AOPEP: variants seen among roughly 807,000 people sequenced by gnomAD.
AOPEP encodes aminopeptidase O.
Under a neutral mutation model 98.1 loss-of-function variants are expected in AOPEP, and 77 were observed. That is an observed-to-expected ratio of 0.78 (90% CI 0.65 to 0.95). AOPEP has a LOEUF of 0.95. Ranked by LOEUF, AOPEP falls within the 40% of genes least tolerant of loss-of-function variation. AOPEP has a pLI of 0.00. For missense variants in AOPEP, 1,024 were observed against 1,024.7 expected (o/e 1.00, Z 0.01); for synonymous variants, 346 against 365.3 (o/e 0.95, Z 0.60).
intron 1 of AOPEP, among the ~76,000 whole-genome samples, chr9:94,749,459 C>T (rs954370992): frequency 2.6e-5 from 4 of 152,192 alleles, no homozygotes; most frequent in Non-Finnish European, 5.9e-5. Context: ...GCCAGTTGTG[C>T]TCACTGCTTA....
At chr9:95,019,093 T>TAGCAGCAAGTATACAGCAGCAAGTATAC in intron 13 of AOPEP, 1 of 152,074 alleles carries the variant, frequency 6.6e-6, no homozygotes, top group Non-Finnish European at 1.5e-5. Context: ...GCAGCAAGTA[T>TAGCAGCAAGTATACAGCAGCAAGTATAC]AGCAGCAAGT....
At position 95,016,479 on chromosome 9, in the gene AOPEP, G is replaced by A. The variant is rs536670779; in HGVS notation, c.2115+10863G>A. On this transcript the variant is annotated intron_variant, in intron 13 of 16. Coordinates refer to ENST00000375315, the MANE Select transcript of AOPEP (RefSeq NM_001193329.3). Reference sequence around the variant, plus strand: ...GCTGGTGCTGAACTCCTGACCTCAGGTAATCTACCCACTTTGGCCTCCCAA... The same window carrying A: ...GCTGGTGCTGAACTCCTGACCTCAGATAATCTACCCACTTTGGCCTCCCAA... Among the ~76,000 whole-genome samples, 5 of 151,912 alleles carry A rather than the reference G, an allele frequency of 3.3e-5. No homozygotes were observed. The East Asian group carries it at 9.7e-4, about 30-fold the overall frequency.
intron 5 of AOPEP, among the ~76,000 whole-genome samples, chr9:94,855,433 A>G (rs1365054520): frequency 2.0e-5 from 3 of 152,150 alleles, no homozygotes; most frequent in Non-Finnish European, 4.4e-5. Flanking sequence ...TCACGCCTGT[A>G]ATCCCAGCAG....
intron 1 of AOPEP, among the ~76,000 whole-genome samples, chr9:94,733,105 C>CTTTTT (rs537104658): frequency 3.1e-5 from 4 of 128,944 alleles, no homozygotes; most frequent in African/African-American, 5.8e-5. Context: ...TTTTCTTTCT[C>CTTTTT]TTTTTTTTTT....
intron 13 of AOPEP, among the ~76,000 whole-genome samples, chr9:95,032,296 G>A (rs1420536556): frequency 1.3e-5 from 2 of 152,178 alleles, no homozygotes; most frequent in African/African-American, 2.4e-5. Flanking sequence ...GTGTTCACAG[G>A]TGCAGGGGAG....
chr9:95,147,306 T>A, the AOPEP span, among the ~76,000 whole-genome samples: 1 of 152,020 alleles, frequency 6.6e-6, no homozygotes, highest in Non-Finnish European at 1.5e-5. Context: ...TCACCTGAGG[T>A]CGGGATTTCG....
At chr9:94,909,477 G>A (rs553528036) in intron 5 of AOPEP, among the ~76,000 whole-genome samples, 154 of 150,288 alleles carry the variant, frequency 1.0e-3, no homozygotes, top group African/African-American at 3.7e-3. Context: ...TCTTTTCTTT[G>A]TTTGTTGTTA....
intron 2 of AOPEP, among the ~76,000 whole-genome samples, chr9:94,762,816 A>G (rs970135569): frequency 1.3e-5 from 2 of 152,202 alleles, no homozygotes; most frequent in Admixed American, 1.3e-4. Flanking sequence ...CTGTTTGGAT[A>G]TGTTAAGGAC....
At chr9:94,770,094 A>G (rs1330433103) in intron 2 of AOPEP, among the ~76,000 whole-genome samples, 2 of 152,216 alleles carry the variant, frequency 1.3e-5, no homozygotes, top group African/African-American at 4.8e-5. Context: ...CCATTCATGG[A>G]CACCACACTG....
At chr9:94,860,698 C>T (rs143047921) in intron 5 of AOPEP, among the ~76,000 whole-genome samples, 3 of 152,152 alleles carry the variant, frequency 2.0e-5, no homozygotes, top group East Asian at 1.9e-4. Context: ...TGGCAGAAGC[C>T]GCTGGATGGA....
At chr9:94,861,763 C>T (rs2045032994) in intron 5 of AOPEP, among the ~76,000 whole-genome samples, 1 of 152,324 alleles carries the variant, frequency 6.6e-6, no homozygotes, top group East Asian at 1.9e-4. Context: ...CAGTGCTTGA[C>T]GAGTAGTACA....
At chr9:94,956,401 C>T (rs556348349) in intron 9 of AOPEP, among the ~76,000 whole-genome samples, 56 of 152,344 alleles carry the variant, frequency 3.7e-4, no homozygotes, top group African/African-American at 1.2e-3. Context: ...TGTCCCACCC[C>T]TTTGCCCTTT....
chr9:95,147,496 A>G, the AOPEP span, among the ~76,000 whole-genome samples: 5 of 152,224 alleles, frequency 3.3e-5, no homozygotes, highest in South Asian at 4.1e-4. Context: ...AGCCTGGGCA[A>G]CAAGAGTGAA....
chr9:94,922,742 T>A (rs1037870884), intron 5 of AOPEP, among the ~76,000 whole-genome samples: 5 of 152,238 alleles, frequency 3.3e-5, no homozygotes, highest in African/African-American at 1.2e-4. Flanking sequence ...CTGGGGTTTC[T>A]GGTGTCCTCT....
At chr9:94,899,187 T>TTTG in intron 5 of AOPEP, among the ~76,000 whole-genome samples, 1 of 116,448 alleles carries the variant, frequency 8.6e-6, no homozygotes, top group South Asian at 3.3e-4. Context: ...TGCTTTTTTT[T>TTTG]TTTTTTTTTT....
At chr9:94,912,872 A>G (rs2052279327) in intron 5 of AOPEP, among the ~76,000 whole-genome samples, 1 of 152,220 alleles carries the variant, frequency 6.6e-6, no homozygotes, top group Non-Finnish European at 1.5e-5. Context: ...CAAGTCCTCC[A>G]GCTCCCGCTG....
the AOPEP span, among the ~76,000 whole-genome samples, chr9:95,104,118 T>C: frequency 6.6e-6 from 1 of 152,200 alleles, no homozygotes; most frequent in African/African-American, 2.4e-5. Flanking sequence ...TCCAAGGTGC[T>C]GTCGGCAGAG....
At chr9:95,104,733 CA>C in the AOPEP span, among the ~76,000 whole-genome samples, 3 of 152,092 alleles carry the variant, frequency 2.0e-5, no homozygotes, top group Non-Finnish European at 2.9e-5. Context: ...GGGCTGGAGT[CA>C]CCAAACTCCC....
At chr9:95,087,575 T>C (rs1416666977), downstream of AOPEP, among the ~76,000 whole-genome samples, 1 of 151,966 alleles carries the variant, frequency 6.6e-6, no homozygotes. Context: ...AGTTTCTTTG[T>C]TGTTTTCAAG....
Sources: gnomAD v4.1 joint callset for allele counts (sites outside exome capture counted in the v4.1 genomes callset) on GRCh38, gnomAD v4.1.1 for gene constraint, MANE v1.5 for transcripts, NCBI Gene and HGNC (gene_info 2026-07-23, HGNC 2026-07-21) for gene names.